ANKRD13A: variants seen among roughly 807,000 people sequenced by gnomAD.
ANKRD13A encodes the protein ankyrin repeat domain 13A, also known as ankyrin repeat domain-containing protein 13A.
In ANKRD13A, 48 loss-of-function variants were observed where a neutral mutation model predicts 81.3. The observed-to-expected ratio is 0.59, with a 90% CI of 0.47 to 0.75. The LOEUF is 0.75. ANKRD13A is among the 30% of genes least tolerant of loss of function. The pLI is 0.00. For missense variants in ANKRD13A, 612 were observed against 734.0 expected, an observed-to-expected ratio of 0.83 and a Z score of 1.92; for synonymous variants, 230 against 270.1, an observed-to-expected ratio of 0.85 and a Z score of 1.45.
chr12:110,006,984 C>A (rs1191254609), intron 1 of ANKRD13A, among the ~76,000 whole-genome samples: 3 of 152,194 alleles, frequency 2.0e-5, no homozygotes, highest in Admixed American at 6.5e-5. Context: ...TATTTTGGCA[C>A]CCTTGTTGAA....
chr12:110,037,443 G>A lies in ANKRD13A; in HGVS notation c.1662G>A (p.Leu554=), dbSNP rs1252955019. The A allele has an allele frequency of 3.7e-6, 6 of 1,614,232 alleles. No homozygotes were observed. Among genetic ancestry groups the A allele is most frequent in the Admixed American group, 1.7e-5 (1 of 60,030 alleles). The change falls in exon 15 of 15, where the codon TTG becomes TTA. Residue 554 remains leucine, a synonymous_variant. Transcript: ENST00000261739. ...AGACAAGCCGTTTTGATAATGACTT[G>A]CAGCTAGCCATGGAGCTCTCTGCCA... is the stretch of plus-strand genomic sequence containing the variant. ...LSETSRFDND[L]QLAMELSAKE... is the part of the protein sequence containing the mutation.
At chr12:110,027,078 C>T (rs1891384993) in intron 8 of ANKRD13A, 1 of 152,212 alleles carries the variant, frequency 6.6e-6, no homozygotes, top group Non-Finnish European at 1.5e-5. Context: ...TGATTTAGTC[C>T]AAACTATTGT....
At chr12:110,003,609 A>G (rs1890092901) in intron 1 of ANKRD13A, among the ~76,000 whole-genome samples, 4 of 152,184 alleles carry the variant, frequency 2.6e-5, no homozygotes, top group Non-Finnish European at 1.5e-5. Context: ...CCTAAAGGTG[A>G]CAGTGAGTTT....
intron 12 of ANKRD13A, chr12:110,032,442 T>G (rs542956973): frequency 6.6e-6 from 1 of 152,170 alleles, no homozygotes; most frequent in Non-Finnish European, 1.5e-5. Context: ...TACATTCCCA[T>G]GTAGCAACAA....
At chr12:110,016,799 G>A (rs1038641097) in intron 4 of ANKRD13A, among the ~76,000 whole-genome samples, 1 of 151,460 alleles carries the variant, frequency 6.6e-6, no homozygotes, top group Non-Finnish European at 1.5e-5. Flanking sequence ...TTGAGACAGA[G>A]TCTCACTCTG....
chr12:110,025,898 G>C, intron 8 of ANKRD13A, 75 bp downstream of exon 8: 7 of 1,296,460 alleles, frequency 5.4e-6, no homozygotes, highest in Non-Finnish European at 7.7e-6. Flanking sequence ...TGTTGGCTCT[G>C]TTAAGTTTAG....
Position 110,036,288 on chromosome 12 carries a change from G to A in ANKRD13A, c.1537G>A (p.Gly513Arg), listed in dbSNP as rs1566065935. Residue 513 changes from glycine to arginine, a missense_variant, in exon 14 of 15, where the codon GGG becomes AGG. Coordinates refer to ENST00000261739, the MANE Select transcript of ANKRD13A (RefSeq NM_033121.2). This position sits in a 1 kb window ranked among gnomAD's most constrained non-coding sequence, Gnocchi z 4.6. ...QELSGPASNG[G>R]ISQTNTYDAQ... ...ACTTTCAGGACCAGCTTCGAATGGA[G>A]GGATCAGCCAGACAAACACCTATGA... is the stretch of plus-strand genomic sequence containing the variant. 1 of 1,613,934 alleles carries A rather than the reference G, an allele frequency of 6.2e-7. No individual in the cohort carries two copies. The highest frequency in any genetic ancestry group is 8.5e-7 in the Non-Finnish European group (1 of 1,179,930).
At chr12:110,028,678 A>G (rs747783874) in intron 10 of ANKRD13A, 36 bp downstream of exon 10, 4 of 1,613,140 alleles carry the variant, frequency 2.5e-6, no homozygotes, top group Non-Finnish European at 3.4e-6. Flanking sequence ...CAACCTATGT[A>G]TGTTTCAGAA....
At chr12:110,032,582 G>A (rs1593230548) in intron 12 of ANKRD13A, 4 of 152,278 alleles carry the variant, frequency 2.6e-5, no homozygotes. Context: ...AGATGTGGAT[G>A]ACCTAGCAAT....
intron 6 of ANKRD13A, chr12:110,021,258 T>C (rs1017820995): frequency 5.1e-6 from 2 of 390,640 alleles, no homozygotes; most frequent in South Asian, 3.6e-5. Flanking sequence ...CTCCTTAGGA[T>C]TGATACCAGC....
intron 2 of ANKRD13A, 35 bp from the exon 3 acceptor site, chr12:110,013,090 G>C: frequency 6.2e-7 from 1 of 1,611,124 alleles, no homozygotes; most frequent in Non-Finnish European, 8.5e-7. Flanking sequence ...TTGTCAGAAA[G>C]TATGAGAATT....
chr12:110,000,834 T>C (rs1026529984), intron 1 of ANKRD13A, among the ~76,000 whole-genome samples: 1 of 149,094 alleles, frequency 6.7e-6, no homozygotes, highest in Admixed American at 6.9e-5. Context: ...CTCGGCTCAC[T>C]GCAACCTCCG....
intron 8 of ANKRD13A, 138 bp downstream of exon 8, chr12:110,025,961 TCTC>T (rs1200788164): frequency 2.1e-5 from 13 of 617,828 alleles, no homozygotes; most frequent in South Asian, 7.0e-5. Flanking sequence ...TCTCTCTCTC[TCTC>T]TTTTTTTTTT....
intron 1 of ANKRD13A, among the ~76,000 whole-genome samples, chr12:110,007,154 C>T (rs969534348): frequency 1.3e-5 from 2 of 152,130 alleles, no homozygotes; most frequent in Non-Finnish European, 2.9e-5. Flanking sequence ...GTCCTCAGAC[C>T]TCTCTCTTCA....
intron 1 of ANKRD13A, among the ~76,000 whole-genome samples, chr12:110,009,950 C>T (rs1344694355): frequency 2.0e-5 from 3 of 152,318 alleles, no homozygotes; most frequent in East Asian, 3.9e-4. Context: ...CTGCAACCTC[C>T]GCCTCCCAGG....
rs146391388 is a variant in ANKRD13A, at chr12:110,006,045, G to C, written c.97-5960G>C. ...TTGGCCAGGCTGGTCTTGAACTCCT[G>C]ACCTCAAGTGATCAGCCCACCTTGG... On this transcript the variant is annotated intron_variant, in intron 1 of 14. Transcript: ENST00000261739. Among the ~76,000 whole-genome samples, 965 of 152,286 alleles carry C rather than the reference G, an allele frequency of 6.3e-3. 6 individuals are homozygous for C. Among genetic ancestry groups the C allele is most frequent in the Non-Finnish European group, 9.8e-3 (669 of 68,016 alleles).
chr12:110,015,514 C>A (rs552029456), intron 3 of ANKRD13A, among the ~76,000 whole-genome samples: 1 of 152,158 alleles, frequency 6.6e-6, no homozygotes, highest in African/African-American at 2.4e-5. Context: ...TGACTTTTAT[C>A]CCCCTCCAAT....
Position 110,030,662 on chromosome 12 carries a change from G to A in ANKRD13A, c.1252G>A (p.Val418Ile). 2 of 1,600,006 alleles carry A rather than the reference G, an allele frequency of 1.3e-6. No individual in the cohort carries two copies. The highest frequency in any genetic ancestry group is 1.7e-6 in the Non-Finnish European group (2 of 1,173,388). ...TTTGTTAGAAATTCCCTTGTTTCAT[G>A]TCTTAAATGCACGGATTACATTTGG... ...PVKIEIPLFH[V>I]LNARITFGNV... Residue 418 changes from valine (V) to isoleucine (I), a missense_variant, in exon 12 of 15, where the codon GTC (valine) becomes ATC (isoleucine). Physicochemically the swap from Val to Ile is conservative, Grantham distance 29. Coordinates refer to ENST00000261739, the MANE Select transcript of ANKRD13A (RefSeq NM_033121.2).
chr12:110,004,917 C>A (rs1446756665), intron 1 of ANKRD13A, among the ~76,000 whole-genome samples: 1 of 152,130 alleles, frequency 6.6e-6, no homozygotes, highest in Non-Finnish European at 1.5e-5. Context: ...TACAAGCGAG[C>A]AAACTGAAGC....
Sources: allele counts gnomAD v4.1 joint callset (sites outside exome capture counted in the v4.1 genomes callset), GRCh38; gene constraint gnomAD v4.1.1; non-coding constraint Gnocchi (gnomAD v3.1); transcripts MANE v1.5; gene names NCBI Gene and HGNC (gene_info 2026-07-23, HGNC 2026-07-21).